CHAF1B: variants seen among roughly 807,000 people sequenced by gnomAD.
CHAF1B encodes CAF-1 subunit B.
Under a neutral mutation model 60.7 loss-of-function variants are expected in CHAF1B, and 10 were observed. The ratio of observed to expected loss-of-function variants is 0.16; its 90% CI spans 0.10 to 0.28. The LOEUF (loss-of-function observed/expected upper bound fraction) is 0.28, where lower values mean the gene tolerates loss of function less well. Ranked by LOEUF, CHAF1B falls within the 10% of genes least tolerant of loss-of-function variation. CHAF1B has a pLI of 1.00. For missense variants in CHAF1B, 558 were observed against 708.4 expected (o/e 0.79, Z 2.41); for synonymous variants, 261 against 266.1 (o/e 0.98, Z 0.19).
At chr21:36,394,080 A>ATT (rs773818038) in intron 4 of CHAF1B, among the ~76,000 whole-genome samples, 3 of 124,944 alleles carry the variant, frequency 2.4e-5, no homozygotes, top group Non-Finnish European at 3.4e-5. Flanking sequence ...TTTTTGGCTA[A>ATT]TTTTTTTTTT....
At position 36,416,317 on chromosome 21, in the gene CHAF1B, G is replaced by A. The variant is rs965629525; in HGVS notation, c.1631G>A (p.Arg544Gln). 9 of 1,613,946 alleles carry A rather than the reference G, an allele frequency of 5.6e-6. No homozygotes were observed. Among genetic ancestry groups the A allele is most frequent in the South Asian group, 4.4e-5 (4 of 91,088 alleles). ...CAGGGCAGTCCCCCAGAGCTAAAGCGGCCCAGACTCGATGAAAACAAAGGA... is the reference window on the plus strand; with the variant it reads ...CAGGGCAGTCCCCCAGAGCTAAAGCAGCCCAGACTCGATGAAAACAAAGGA... ...DAQGSPPELKRPRLDENKGGT... is the reference protein window; with the variant it reads ...DAQGSPPELKQPRLDENKGGT... The change falls in exon 14 of 14, where the codon CGG becomes CAG. Residue 544 changes from arginine to glutamine, a missense_variant. Physicochemically the swap from Arg to Gln is conservative, Grantham distance 43. This residue lies in a region of CHAF1B where 233 missense variants were observed against 214.9 expected (regional missense o/e 1.08). Coordinates refer to ENST00000314103, the MANE Select transcript of CHAF1B (RefSeq NM_005441.3).
At chr21:36,410,113 C>A (rs1471429992) in intron 10 of CHAF1B, among the ~76,000 whole-genome samples, 1 of 152,010 alleles carries the variant, frequency 6.6e-6, no homozygotes, top group Non-Finnish European at 1.5e-5. Context: ...CAGGCGCATG[C>A]CACCACACCC....
rs765874633 is a variant in CHAF1B at position 36,411,556 on chromosome 21, T to G, written c.1013T>G (p.Phe338Cys). ...LLYDTQQSFP[F>C]GYVSNIHYHT... ...TATGACACCCAGCAGTCCTTCCCTT[T>G]TGGTTACGTGTCTAATATACATTAC... is the stretch of plus-strand genomic sequence containing the variant. Residue 338 changes from phenylalanine to cysteine, a missense_variant, in exon 11 of 14, where the codon TTT becomes TGT. Around this residue, in one of 2 missense-constraint regions of CHAF1B, gnomAD observed 325 missense variants for 493.5 expected, o/e 0.66. Transcript: ENST00000314103. 1.2e-6 allele frequency: 2 copies of G among 1,614,092 alleles called. No homozygotes were observed. The highest frequency in any genetic ancestry group is 1.7e-6 in the Non-Finnish European group (2 of 1,180,032).
At position 36,417,957 on chromosome 21, in the gene CHAF1B, A is replaced by G. The variant is rs1004211439; in HGVS notation, c.*1591A>G. ...ATGCGCAGCCAAGATTGAGAAATCT[A>G]AGGGAAAAAACTTTCCCTGGATACG... On this transcript the variant is annotated 3_prime_UTR_variant, in exon 14 of 14. Transcript: ENST00000314103. 6.6e-6 allele frequency: 1 copy of G among 152,080 alleles called. No individual in the cohort carries two copies. Among genetic ancestry groups the G allele is most frequent in the Admixed American group, 6.6e-5 (1 of 15,266 alleles). 9.4% of individuals were successfully genotyped at this position (152,080 alleles called of 1,614,324 possible). A position where few individuals can be genotyped will look rare whatever the true frequency, so the allele number is the denominator to read the frequency against.
In CHAF1B at chr21:36,415,348, C is replaced by G; in HGVS notation, c.1547C>G (p.Thr516Ser). The G allele has an allele frequency of 2.5e-6, 4 of 1,612,444 alleles. No homozygotes were observed. Among genetic ancestry groups the G allele is most frequent in the Non-Finnish European group, 3.4e-6 (4 of 1,178,552 alleles). Residue 516 changes from threonine to serine, a missense_variant, in exon 13 of 14, where the codon ACC becomes AGC. Transcript: ENST00000314103. ...GACACTCCACCAAGTTCTGTACCAA[C>G]CAGTGTGATTTCCACCCCTTCTACA... ...KTDTPPSSVP[T>S]SVISTPSTEE...
At chr21:36,386,858 C>T (rs1024085515) in intron 2 of CHAF1B, among the ~76,000 whole-genome samples, 1 of 152,006 alleles carries the variant, frequency 6.6e-6, no homozygotes, top group East Asian at 1.9e-4. Context: ...GGACTACAGC[C>T]GCTCATCACC....
intron 8 of CHAF1B, 120 bp downstream of exon 8, chr21:36,402,971 C>A: frequency 2.6e-6 from 2 of 777,808 alleles, no homozygotes; most frequent in Non-Finnish European, 2.2e-6. Flanking sequence ...CCCGACTTAC[C>A]TGCCCATTGG....
intron 5 of CHAF1B, among the ~76,000 whole-genome samples, chr21:36,396,770 C>T (rs2086143399): frequency 1.3e-5 from 2 of 152,174 alleles, no homozygotes; most frequent in Admixed American, 6.5e-5. Flanking sequence ...CATCCCTGTT[C>T]GCATTGTCTG....
intron 5 of CHAF1B, among the ~76,000 whole-genome samples, chr21:36,396,718 G>A (rs1318103200): frequency 6.6e-6 from 1 of 151,858 alleles, no homozygotes; most frequent in Non-Finnish European, 1.5e-5. Flanking sequence ...TTTTATGCAG[G>A]CGATCTCTGT....
intron 13 of CHAF1B, 90 bp from the exon 14 acceptor site, chr21:36,416,185 C>A: frequency 8.9e-7 from 1 of 1,121,806 alleles, no homozygotes; most frequent in Non-Finnish European, 1.3e-6. Flanking sequence ...AGCTCAGTTC[C>A]GTGTCTTGGC....
intron 11 of CHAF1B, among the ~76,000 whole-genome samples, chr21:36,412,464 A>G (rs2086285550): frequency 6.6e-6 from 1 of 151,990 alleles, no homozygotes; most frequent in Admixed American, 6.6e-5. Flanking sequence ...GGTTCAAGCA[A>G]TTCTCCTGCC....
intron 5 of CHAF1B, 31 bp downstream of exon 5, chr21:36,394,681 A>G (rs1271864087): frequency 1.4e-6 from 2 of 1,431,460 alleles, no homozygotes; most frequent in South Asian, 2.4e-5. Flanking sequence ...ATTAGCAGGA[A>G]GAAATATTCT....
intron 12 of CHAF1B, 114 bp downstream of exon 12, chr21:36,413,429 G>A: frequency 3.0e-6 from 3 of 986,316 alleles, no homozygotes; most frequent in Non-Finnish European, 4.4e-6. Context: ...ATGCCAGTAG[G>A]TTGCCAGAGA....
At chr21:36,406,566 G>T (rs1190505808) in intron 8 of CHAF1B, among the ~76,000 whole-genome samples, 8 of 152,042 alleles carry the variant, frequency 5.3e-5, no homozygotes, top group African/African-American at 1.9e-4. Flanking sequence ...GATTACAGGC[G>T]TGAGCCACTG....
chr21:36,387,361 C>T (rs927009874), intron 2 of CHAF1B, among the ~76,000 whole-genome samples: 2 of 151,870 alleles, frequency 1.3e-5, no homozygotes, highest in African/African-American at 4.8e-5. Flanking sequence ...ACTGGAACTA[C>T]AGGCATGTGC....
rs771435098 is a variant in CHAF1B at position 36,413,118 on chromosome 21, G to A, written c.1296G>A (p.Thr432=). The change falls in exon 12 of 14, where the codon ACG becomes ACA. Residue 432 remains threonine, a synonymous_variant. Coordinates refer to ENST00000314103, the MANE Select transcript of CHAF1B (RefSeq NM_005441.3). The part of the protein sequence containing the change: ...SRTQDPSSPG[T]TPPQARQAPA... ...CCCAAGACCCCAGCAGCCCCGGCAC[G>A]ACTCCCCCTCAGGCCAGACAGGCCC... 1.1e-5 allele frequency: 18 copies of A among 1,613,878 alleles called. No individual in the cohort carries two copies. The highest frequency in any genetic ancestry group is 2.2e-5 in the East Asian group (1 of 44,858).
chr21:36,404,134 T>C (rs1039546964), intron 8 of CHAF1B, among the ~76,000 whole-genome samples: 1 of 142,778 alleles, frequency 7.0e-6, no homozygotes, highest in Non-Finnish European at 1.5e-5. Flanking sequence ...AGTTTTGCCC[T>C]GTTGCCCAGC....
At chr21:36,396,347 AC>A (rs2086137772) in intron 5 of CHAF1B, among the ~76,000 whole-genome samples, 1 of 130,168 alleles carries the variant, frequency 7.7e-6, no homozygotes, top group Non-Finnish European at 1.6e-5. Context: ...ACTGAACCTC[AC>A]CAAAAACCTC....
At chr21:36,390,333 CA>C (rs1555911920) in intron 3 of CHAF1B, among the ~76,000 whole-genome samples, 2,091 of 81,868 alleles carry the variant, frequency 0.026, 36 homozygotes, top group African/African-American at 0.064. Context: ...AACACCATCT[CA>C]AAAAAAAAAA....
Sources: allele counts gnomAD v4.1 joint callset (sites outside exome capture counted in the v4.1 genomes callset), GRCh38; gene constraint gnomAD v4.1.1; regional missense constraint gnomAD v4.1.1; transcripts MANE v1.5; gene names NCBI Gene and HGNC (gene_info 2026-07-23, HGNC 2026-07-21).